CABIN1: variants seen among roughly 807,000 people sequenced by gnomAD.
CABIN1 encodes the protein calcineurin-binding protein cabin-1.
Under a neutral mutation model 227.7 loss-of-function variants are expected in CABIN1, and 133 were observed. That is an observed-to-expected ratio of 0.58 (90% CI 0.51 to 0.67). The LOEUF is 0.67. Ranked by LOEUF, CABIN1 falls within the 30% of genes least tolerant of loss-of-function variation. The pLI is 0.00. For synonymous variants in CABIN1, 1,086 were observed against 1,155.1 expected, an observed-to-expected ratio of 0.94 and a Z score of 1.21; for missense variants, 2,408 against 2,852.5, an observed-to-expected ratio of 0.84 and a Z score of 3.55.
In CABIN1 at chr22:24,178,523, G is replaced by C. The variant is rs908648169; in HGVS notation, c.*327G>C. On this transcript the variant is annotated 3_prime_UTR_variant, in exon 37 of 37. Coordinates refer to ENST00000263119, the MANE Select transcript of CABIN1 (RefSeq NM_012295.4). ...CAGCTGGCCATATCCACCCCTCGAC[G>C]CCGGGATGAGCCGGCTCTGCCTGTG... is the stretch of plus-strand genomic sequence containing the variant. The C allele has an allele frequency of 2.6e-6, 1 of 379,368 alleles. No homozygotes were observed. The highest frequency in any genetic ancestry group is 6.0e-5 in the East Asian group (1 of 16,760). 23.5% of individuals were successfully genotyped at this position (379,368 alleles called of 1,614,324 possible). A position where few individuals can be genotyped will look rare whatever the true frequency, so the allele number is the denominator to read the frequency against.
At chr22:24,120,306 G>A (rs370144785) in intron 28 of CABIN1, among the ~76,000 whole-genome samples, 1 of 152,204 alleles carries the variant, frequency 6.6e-6, no homozygotes, top group Non-Finnish European at 1.5e-5. Context: ...ATGATGTAGC[G>A]ATCCTTAACA....
intron 27 of CABIN1, among the ~76,000 whole-genome samples, chr22:24,117,489 C>T (rs1341741815): frequency 6.6e-6 from 1 of 152,058 alleles, no homozygotes; most frequent in South Asian, 2.1e-4. Flanking sequence ...CGTGAGCCAC[C>T]ACGCCCAGCC....
chr22:24,132,082 A>G (rs764070949), intron 28 of CABIN1, among the ~76,000 whole-genome samples: 2 of 151,040 alleles, frequency 1.3e-5, no homozygotes, highest in Non-Finnish European at 3.0e-5. Flanking sequence ...AAAAAAAAAT[A>G]CAGTGTCCTA....
intron 22 of CABIN1, among the ~76,000 whole-genome samples, chr22:24,085,440 G>T (rs1307422014): frequency 6.6e-6 from 1 of 152,210 alleles, no homozygotes; most frequent in Admixed American, 6.5e-5. Flanking sequence ...GGTGTGCAGG[G>T]CAAGGAGGCG....
intron 29 of CABIN1, among the ~76,000 whole-genome samples, 172 bp from the exon 30 acceptor site, chr22:24,164,228 G>T (rs561481673): frequency 6.6e-6 from 1 of 152,362 alleles, no homozygotes; most frequent in African/African-American, 2.4e-5. Flanking sequence ...AGAAGGAAGG[G>T]GGTGGGGATA....
chr22:24,028,788 C>A (rs1262019654), intron 1 of CABIN1, among the ~76,000 whole-genome samples: 1 of 152,088 alleles, frequency 6.6e-6, no homozygotes, highest in Non-Finnish European at 1.5e-5. Flanking sequence ...AGAAACCACT[C>A]ATGTACTCAC....
At chr22:24,096,291 C>T (rs1274552256) in intron 25 of CABIN1, among the ~76,000 whole-genome samples, 1 of 152,164 alleles carries the variant, frequency 6.6e-6, no homozygotes, top group Non-Finnish European at 1.5e-5. Flanking sequence ...GTGTGAGTCC[C>T]CTTACCCTGT....
intron 33 of CABIN1, among the ~76,000 whole-genome samples, chr22:24,171,063 A>G (rs8137732): frequency 0.26 from 39,653 of 152,140 alleles, 5,984 homozygotes; most frequent in African/African-American, 0.41. Context: ...AAAGGGCCTC[A>G]TGGCAGAGGG....
At position 24,087,501 on chromosome 22, in the gene CABIN1, G is replaced by T. The variant is rs2041245085; in HGVS notation, c.3313G>T (p.Asp1105Tyr). 1 of 1,614,038 alleles carries T rather than the reference G, an allele frequency of 6.2e-7. No homozygotes were observed. Among genetic ancestry groups the T allele is most frequent in the Admixed American group, 1.7e-5 (1 of 60,008 alleles). Reference sequence around the variant, plus strand: ...TCTGGCCCGGGCCAGCCGCATTCAGGACAAGCTGAACTCCAATGAGCTGAA... The same window carrying T: ...TCTGGCCCGGGCCAGCCGCATTCAGTACAAGCTGAACTCCAATGAGCTGAA... ...MALARASRIQ[D>Y]KLNSNELKSD... Residue 1105 changes from aspartate to tyrosine, a missense_variant, in exon 23 of 37, where the codon GAC becomes TAC. Asp to Tyr is a radical substitution (Grantham distance 160, BLOSUM62 -3). Around this residue, in one of 3 missense-constraint regions of CABIN1, gnomAD observed 649 missense variants for 910.3 expected, o/e 0.71. Coordinates refer to ENST00000263119, the MANE Select transcript of CABIN1 (RefSeq NM_012295.4).
At chr22:24,048,012 C>T (rs986840407) in intron 6 of CABIN1, among the ~76,000 whole-genome samples, 1 of 152,184 alleles carries the variant, frequency 6.6e-6, no homozygotes, top group African/African-American at 2.4e-5. Context: ...CCATGCCATC[C>T]CATTTTTTTC....
chr22:24,134,247 TG>T (rs2044252222), intron 28 of CABIN1, 54 bp from the exon 29 acceptor site: 1 of 1,385,122 alleles, frequency 7.2e-7, no homozygotes, highest in African/African-American at 1.4e-5. Context: ...GCCTTCCCTG[TG>T]GGCGCCCTGA....
At position 24,055,132 on chromosome 22, in the gene CABIN1, G is replaced by C. The variant is rs2038685568; in HGVS notation, c.1066G>C (p.Gly356Arg). 6.2e-7 allele frequency: 1 copy of C among 1,613,330 alleles called. No individual in the cohort carries two copies. The highest frequency in any genetic ancestry group is 1.1e-5 in the South Asian group (1 of 91,086). The change falls in exon 9 of 37, where the codon GGT becomes CGT. Residue 356 changes from glycine (G) to arginine (R), a missense_variant. Transcript: ENST00000263119. ...ATTSFPLHSP[G>R]LLETGAPVGD... is the part of the protein sequence containing the mutation. ...AACCAGCTTCCCACTGCACAGTCCT[G>C]GTCTGTTGGAGACAGGCGCTCCTGT...
chr22:24,087,970 G>A (rs1298860135), intron 23 of CABIN1, among the ~76,000 whole-genome samples: 2 of 152,220 alleles, frequency 1.3e-5, no homozygotes, highest in Non-Finnish European at 2.9e-5. Flanking sequence ...ATTAGTTATA[G>A]TGTAGTTGAG....
chr22:24,119,112 CCT>C (rs2043250171), intron 27 of CABIN1, among the ~76,000 whole-genome samples: 1 of 152,236 alleles, frequency 6.6e-6, no homozygotes, highest in African/African-American at 2.4e-5. Flanking sequence ...CATAACTTCC[CCT>C]CTCTGTAGCC....
At chr22:24,155,979 C>G (rs2045765539) in intron 29 of CABIN1, 1 of 553,772 alleles carries the variant, frequency 1.8e-6, no homozygotes, top group African/African-American at 2.0e-5. Flanking sequence ...CCTGCCCCGC[C>G]CCGGCCCGCC....
At chr22:24,053,744 G>T (rs1490144524) in intron 8 of CABIN1, among the ~76,000 whole-genome samples, 1 of 152,130 alleles carries the variant, frequency 6.6e-6, no homozygotes, top group East Asian at 1.9e-4. Flanking sequence ...AGGGGACTGT[G>T]CTCTGTGCTA....
intron 1 of CABIN1, among the ~76,000 whole-genome samples, chr22:24,014,413 G>A (rs1406732814): frequency 8.2e-5 from 12 of 145,808 alleles, no homozygotes; most frequent in Non-Finnish European, 1.5e-4. Context: ...CCTATCAACT[G>A]GCCCTCATTT....
chr22:24,025,662 A>G (rs1400078064), intron 1 of CABIN1, among the ~76,000 whole-genome samples: 2 of 152,104 alleles, frequency 1.3e-5, no homozygotes, highest in African/African-American at 2.4e-5. Flanking sequence ...TCAGGTTGCA[A>G]AGTTTTGTTT....
At chr22:24,048,833 G>A (rs1198926549) in intron 6 of CABIN1, among the ~76,000 whole-genome samples, 3 of 152,214 alleles carry the variant, frequency 2.0e-5, no homozygotes, top group Non-Finnish European at 4.4e-5. Flanking sequence ...TCGAGGATCT[G>A]TGTGTAATTG....
Sources: gnomAD v4.1 joint callset for allele counts (sites outside exome capture counted in the v4.1 genomes callset) on GRCh38, gnomAD v4.1.1 for gene constraint, gnomAD v4.1.1 regional missense constraint, MANE v1.5 for transcripts, NCBI Gene and HGNC (gene_info 2026-07-23, HGNC 2026-07-21) for gene names.